Variants in TMEM108 observed in about 807,000 individuals in gnomAD.
TMEM108 encodes cancer/testis antigen 124.
In TMEM108, 12 loss-of-function variants were observed where a neutral mutation model predicts 35.1. The observed-to-expected ratio is 0.34, with a 90% CI of 0.22 to 0.55. The LOEUF (loss-of-function observed/expected upper bound fraction) is 0.55, where lower values mean the gene tolerates loss of function less well. Among genes scored for constraint, TMEM108 ranks in the 20% least tolerant of loss-of-function variants. The pLI, the probability that TMEM108 is intolerant of heterozygous loss-of-function variation, is 0.89. For synonymous variants in TMEM108, 287 were observed against 308.6 expected (o/e 0.93, Z 0.73); for missense variants, 680 against 753.3 (o/e 0.90, Z 1.14).
chr3:133,121,762 G>C (rs1179249761), intron 2 of TMEM108, among the ~76,000 whole-genome samples: 1 of 152,132 alleles, frequency 6.6e-6, no homozygotes, highest in East Asian at 1.9e-4. Flanking sequence ...AGCATTCTGG[G>C]GTTTTATAAT....
intron 2 of TMEM108, among the ~76,000 whole-genome samples, chr3:133,100,051 G>A (rs1559832165): frequency 6.6e-6 from 1 of 152,172 alleles, no homozygotes; most frequent in Non-Finnish European, 1.5e-5. Flanking sequence ...ACAAAGAGAC[G>A]TTTAATTGGA....
intron 2 of TMEM108, among the ~76,000 whole-genome samples, chr3:133,050,257 C>G (rs1431682166): frequency 3.3e-5 from 5 of 152,118 alleles, no homozygotes; most frequent in Non-Finnish European, 7.4e-5. Context: ...AGTCTTAACC[C>G]TGCTGTTTTT....
At chr3:133,157,759 G>C (rs1474859240) in intron 2 of TMEM108, among the ~76,000 whole-genome samples, 1 of 152,192 alleles carries the variant, frequency 6.6e-6, no homozygotes, top group Non-Finnish European at 1.5e-5. Flanking sequence ...CAGTGTAATA[G>C]TCACTCTGAT....
intron 2 of TMEM108, among the ~76,000 whole-genome samples, chr3:133,144,854 T>A (rs866630313): frequency 2.6e-5 from 4 of 152,234 alleles, no homozygotes; most frequent in African/African-American, 9.6e-5. Context: ...TCCTTGTAGA[T>A]TCTGAATATT....
At chr3:133,254,026 T>C (rs1191530726) in intron 3 of TMEM108, among the ~76,000 whole-genome samples, 2 of 152,168 alleles carry the variant, frequency 1.3e-5, no homozygotes, top group Non-Finnish European at 2.9e-5. Flanking sequence ...ATATGTCATA[T>C]TCCTATAAAA....
chr3:133,074,595 T>C (rs1272736248), intron 2 of TMEM108, among the ~76,000 whole-genome samples: 7 of 152,240 alleles, frequency 4.6e-5, no homozygotes, highest in Admixed American at 6.5e-5. Flanking sequence ...GTTCAAGCGA[T>C]TCTCCTGCCT....
intron 3 of TMEM108, among the ~76,000 whole-genome samples, chr3:133,337,880 C>G (rs754801492): frequency 1.3e-5 from 2 of 152,016 alleles, no homozygotes; most frequent in African/African-American, 4.8e-5. Flanking sequence ...AACAATCAAG[C>G]AGAAATACTG....
intron 3 of TMEM108, among the ~76,000 whole-genome samples, chr3:133,266,916 C>CA (rs11389496): frequency 0.56 from 68,301 of 121,060 alleles, 19,026 homozygotes; most frequent in South Asian, 0.64. Context: ...ACTAAAAATC[C>CA]AAAAAAAAAA....
intron 1 of TMEM108, among the ~76,000 whole-genome samples, chr3:133,038,766 C>G (rs1208954586): frequency 6.6e-6 from 1 of 152,154 alleles, no homozygotes; most frequent in Admixed American, 6.5e-5. Flanking sequence ...GCGTCAGGAG[C>G]GCTGGACCTG....
intron 3 of TMEM108, among the ~76,000 whole-genome samples, chr3:133,265,618 T>A (rs1031382759): frequency 6.6e-6 from 1 of 152,090 alleles, no homozygotes; most frequent in Admixed American, 6.5e-5. Context: ...AATCCCAAGT[T>A]TGGACTTCCA....
chr3:133,086,116 G>A (rs1326244620), intron 2 of TMEM108, among the ~76,000 whole-genome samples: 1 of 152,122 alleles, frequency 6.6e-6, no homozygotes, highest in Non-Finnish European at 1.5e-5. Flanking sequence ...TCCAAGGAGT[G>A]GTGAAAGGGA....
intron 3 of TMEM108, among the ~76,000 whole-genome samples, chr3:133,339,828 T>A (rs564125652): frequency 6.6e-6 from 1 of 151,792 alleles, no homozygotes; most frequent in Admixed American, 6.6e-5. Flanking sequence ...TGCATAGAAA[T>A]AAACATTATG....
At chr3:133,156,312 A>G (rs183637246) in intron 2 of TMEM108, among the ~76,000 whole-genome samples, 9 of 152,312 alleles carry the variant, frequency 5.9e-5, no homozygotes, top group Non-Finnish European at 1.2e-4. Flanking sequence ...CTATGTGACA[A>G]TATATCTTCA....
intron 2 of TMEM108, among the ~76,000 whole-genome samples, chr3:133,117,184 C>G (rs1461290637): frequency 6.6e-6 from 1 of 152,170 alleles, no homozygotes; most frequent in African/African-American, 2.4e-5. Context: ...ATAGAATATA[C>G]AGCATCAAAC....
At chr3:133,085,823 GA>G (rs1943875240) in intron 2 of TMEM108, among the ~76,000 whole-genome samples, 1 of 151,116 alleles carries the variant, frequency 6.6e-6, no homozygotes, top group South Asian at 2.1e-4. Flanking sequence ...AGAAACTCTT[GA>G]AAAAAATTGA....
intron 2 of TMEM108, among the ~76,000 whole-genome samples, chr3:133,083,448 T>A (rs763353639): frequency 6.6e-6 from 1 of 152,166 alleles, no homozygotes; most frequent in Admixed American, 6.5e-5. Context: ...CCTTTTTAGA[T>A]GTTTTTGCCC....
chr3:133,269,394 C>T (rs936850576), intron 3 of TMEM108, among the ~76,000 whole-genome samples: 1 of 152,150 alleles, frequency 6.6e-6, no homozygotes, highest in African/African-American at 2.4e-5. Context: ...CTAATGATTT[C>T]AGACCTCCCA....
intron 3 of TMEM108, among the ~76,000 whole-genome samples, chr3:133,308,756 G>C (rs187809783): frequency 6.6e-6 from 1 of 152,116 alleles, no homozygotes; most frequent in African/African-American, 2.4e-5. Context: ...TGCTGGATTC[G>C]GTTTGCCAGT....
chr3:133,379,214 G>C (rs1457062545), intron 3 of TMEM108, among the ~76,000 whole-genome samples: 1 of 152,218 alleles, frequency 6.6e-6, no homozygotes, highest in Non-Finnish European at 1.5e-5. Context: ...ACAGAGGTCT[G>C]TTTGCTTGTA....
Sources: gnomAD v4.1 joint callset for allele counts (sites outside exome capture counted in the v4.1 genomes callset) on GRCh38, gnomAD v4.1.1 for gene constraint, MANE v1.5 for transcripts, NCBI Gene and HGNC (gene_info 2026-07-23, HGNC 2026-07-21) for gene names.